Variants in GSPT1 observed in about 807,000 individuals in gnomAD.
The protein encoded by GSPT1 is eukaryotic peptide chain release factor GTP-binding subunit ERF3A.
A neutral mutation model predicts 72.5 loss-of-function variants in GSPT1; 20 were observed. The observed-to-expected ratio is 0.28, with a 90% CI of 0.19 to 0.40. GSPT1 has a LOEUF of 0.40. Among genes scored for constraint, GSPT1 ranks in the 10% least tolerant of loss-of-function variants. GSPT1 has a pLI of 1.00. For synonymous variants in GSPT1, 334 were observed against 293.5 expected, an observed-to-expected ratio of 1.14 and a Z score of -1.41; for missense variants, 580 against 811.9, an observed-to-expected ratio of 0.71 and a Z score of 3.47.
intron 1 of GSPT1, among the ~76,000 whole-genome samples, chr16:11,914,827 T>C (rs2054608469): frequency 6.6e-6 from 1 of 152,180 alleles, no homozygotes; most frequent in South Asian, 2.1e-4. Flanking sequence ...CAATGCATCT[T>C]GGGATTCCTT....
At chr16:11,898,343 G>C (rs569042102) in intron 1 of GSPT1, among the ~76,000 whole-genome samples, 1 of 152,032 alleles carries the variant, frequency 6.6e-6, no homozygotes, top group East Asian at 1.9e-4. Flanking sequence ...GTAATTTGCA[G>C]CTCAGCACAG....
chr16:11,873,840 C>T (rs1021504548), intron 14 of GSPT1, among the ~76,000 whole-genome samples: 5 of 152,192 alleles, frequency 3.3e-5, no homozygotes, highest in South Asian at 2.1e-4. Context: ...CCGCCTGCCT[C>T]GGCCTCCCAA....
At chr16:11,887,101 T>C (rs2054194780) in intron 7 of GSPT1, 170 bp from the exon 8 acceptor site, 4 of 551,022 alleles carry the variant, frequency 7.3e-6, no homozygotes, top group Non-Finnish European at 1.3e-5. Context: ...AATCAAACAA[T>C]GTCTAGATGC....
At chr16:11,916,243 GGTGGCCGCT>G (rs2054635926), upstream of GSPT1, among the ~76,000 whole-genome samples, 2 of 152,334 alleles carry the variant, frequency 1.3e-5, no homozygotes, top group African/African-American at 2.4e-5. Flanking sequence ...GCGGAGGTCT[GGTGGCCGCT>G]CGGCGGCCCC....
Position 11,896,613 on chromosome 16 carries a change from T to G in GSPT1, c.609A>C (p.Ala203=). Residue 203 remains alanine (A), a synonymous_variant, in exon 4 of 15, where the codon GCA becomes GCC. Transcript: ENST00000434724. ...GCTCTTTCTTAGGAGCACCTGGCGG[T>G]GCAACCACAGACTTAGGTTTTGGGA... ...EEIPKPKSVV[A]PPGAPKKEHV... The G allele has an allele frequency of 6.2e-7, 1 of 1,609,776 alleles. No homozygotes were observed. The highest frequency in any genetic ancestry group is 2.2e-5 in the East Asian group (1 of 44,848).
intron 5 of GSPT1, 115 bp downstream of exon 5, chr16:11,894,834 TTTTAA>T (rs2054314421): frequency 1.6e-6 from 1 of 631,626 alleles, no homozygotes; most frequent in African/African-American, 1.8e-5. Context: ...GTAATTTTAT[TTTTAA>T]TTTTTCTTTG....
chr16:11,894,518 T>G (rs893104867), intron 5 of GSPT1, among the ~76,000 whole-genome samples: 2 of 152,212 alleles, frequency 1.3e-5, no homozygotes, highest in African/African-American at 4.8e-5. Flanking sequence ...TATTCCCATG[T>G]ATGTTATATG....
intron 1 of GSPT1, among the ~76,000 whole-genome samples, chr16:11,905,639 A>T (rs2054479411): frequency 6.6e-6 from 1 of 152,206 alleles, no homozygotes; most frequent in African/African-American, 2.4e-5. Context: ...ATTTGAGACC[A>T]GCCTGGCCAA....
At chr16:11,903,523 T>A (rs545681392) in intron 1 of GSPT1, among the ~76,000 whole-genome samples, 3 of 151,750 alleles carry the variant, frequency 2.0e-5, no homozygotes, top group Non-Finnish European at 4.4e-5. Flanking sequence ...TCAAAAAAAT[T>A]AAATAAAATA....
At chr16:11,885,417 C>A (rs2054175584) in intron 9 of GSPT1, 143 bp from the exon 10 acceptor site, 1 of 589,428 alleles carries the variant, frequency 1.7e-6, no homozygotes, top group East Asian at 3.0e-5. Flanking sequence ...TCCATTTCAT[C>A]TCACTTATTC....
At chr16:11,902,813 C>T (rs1485841074) in intron 1 of GSPT1, among the ~76,000 whole-genome samples, 1 of 152,046 alleles carries the variant, frequency 6.6e-6, no homozygotes, top group Non-Finnish European at 1.5e-5. Context: ...TCTCAAACTC[C>T]TGACCTCATG....
At chr16:11,909,899 C>A (rs191468144) in intron 1 of GSPT1, among the ~76,000 whole-genome samples, 172 of 152,118 alleles carry the variant, frequency 1.1e-3, no homozygotes, top group African/African-American at 4.0e-3. Flanking sequence ...GCACTCCAGC[C>A]TGTGACAGAG....
chr16:11,892,341 T>C (rs1201162513), intron 5 of GSPT1, among the ~76,000 whole-genome samples: 1 of 149,042 alleles, frequency 6.7e-6, no homozygotes, highest in African/African-American at 2.5e-5. Flanking sequence ...AGACCCTGTC[T>C]CTAAAAAAAA....
intron 4 of GSPT1, 51 bp from the exon 5 acceptor site, chr16:11,895,038 G>C: frequency 1.7e-6 from 2 of 1,147,734 alleles, no homozygotes; most frequent in South Asian, 2.6e-5. Flanking sequence ...AAAACCAATG[G>C]CTAAATATGC....
chr16:11,885,131 A>G, intron 10 of GSPT1, 50 bp downstream of exon 10: 1 of 853,610 alleles, frequency 1.2e-6, no homozygotes, highest in Non-Finnish European at 2.0e-6. Context: ...AAAATGCACA[A>G]CAATGATTTC....
At position 11,915,360 on chromosome 16, in the gene GSPT1, G is replaced by C. The variant is rs774037644; in HGVS notation, c.352+9C>G. ...CGGCCGGACTTCCTCCCGCGTCCCGGGCCTTTACCCGCACGGCCTCCCGCG... is the reference window on the plus strand; with the variant it reads ...CGGCCGGACTTCCTCCCGCGTCCCGCGCCTTTACCCGCACGGCCTCCCGCG... On this transcript the variant is annotated intron_variant, in intron 1 of 14. Transcript: ENST00000434724. 5.2e-4 allele frequency: 758 copies of C among 1,468,212 alleles called. No homozygotes were observed. Among genetic ancestry groups the C allele is most frequent in the Non-Finnish European group, 6.3e-4 (707 of 1,115,546 alleles). 90.9% of individuals were successfully genotyped at this position (1,468,212 alleles called of 1,614,324 possible).
At position 11,872,905 on chromosome 16, in the gene GSPT1, C is replaced by G. The variant is rs907669685; in HGVS notation, c.*214G>C. On this transcript the variant is annotated 3_prime_UTR_variant, in exon 15 of 15. Coordinates refer to ENST00000434724, the MANE Select transcript of GSPT1 (RefSeq NM_002094.4). ...AAGGAAGCAGAGTTTGAAGTGAGGG[C>G]TAGGGACAGGAATCTTGGGAAAAAT... 3.1e-5 allele frequency: 14 copies of G among 452,688 alleles called. No individual in the cohort carries two copies. Among genetic ancestry groups the G allele is most frequent in the Non-Finnish European group, 5.6e-5 (14 of 250,262 alleles). The allele number at this position is 452,688 out of a possible 1,614,324, so 28.0% of individuals were successfully genotyped here.
At chr16:11,914,907 G>A (rs2054610298) in intron 1 of GSPT1, 2 of 774,994 alleles carry the variant, frequency 2.6e-6, no homozygotes, top group Admixed American at 2.5e-5. Flanking sequence ...CGCAGCAGAA[G>A]ACGCTCTCTC....
At chr16:11,907,639 C>A (rs2054505678) in intron 1 of GSPT1, among the ~76,000 whole-genome samples, 1 of 152,298 alleles carries the variant, frequency 6.6e-6, no homozygotes. Flanking sequence ...CATGATGTGG[C>A]AGATCAAGCA....
Sources: gnomAD v4.1 joint callset for allele counts (sites outside exome capture counted in the v4.1 genomes callset) on GRCh38, gnomAD v4.1.1 for gene constraint, MANE v1.5 for transcripts, NCBI Gene and HGNC (gene_info 2026-07-23, HGNC 2026-07-21) for gene names.